ADARB2: variants seen among roughly 807,000 people sequenced by gnomAD.
The protein encoded by ADARB2 is adenosine deaminase RNA specific B2 (inactive).
A neutral mutation model predicts 62.2 loss-of-function variants in ADARB2; 25 were observed. That is an observed-to-expected ratio of 0.40 (90% CI 0.29 to 0.56). The LOEUF is 0.56. Among genes scored for constraint, ADARB2 ranks in the 20% least tolerant of loss-of-function variants. ADARB2 has a pLI of 0.43. For synonymous variants in ADARB2, 572 were observed against 500.8 expected (o/e 1.14, Z -1.90); for missense variants, 1,071 against 1,077.4 (o/e 0.99, Z 0.08).
intron 1 of ADARB2, among the ~76,000 whole-genome samples, chr10:1,515,291 G>A (rs941528714): frequency 3.9e-5 from 6 of 152,174 alleles, no homozygotes; most frequent in Admixed American, 1.3e-4. Flanking sequence ...TGGATCCCCC[G>A]CTGGGAACCT....
In ADARB2 at chr10:1,233,776, C is replaced by T. The variant is rs201411121; in HGVS notation, c.1431G>A (p.Glu477=). The change falls in exon 6 of 10, where the codon GAG becomes GAA. Residue 477 remains glutamate (E), a synonymous_variant. Transcript: ENST00000381312. ...TCACGTAGAGATGGAAGAGGATGTT[C>T]TCTCGCAGCCGGTAGCCACCTTCTT... The part of the protein sequence containing the change: ...RLKEGGYRLR[E]NILFHLYVST... The T allele has an allele frequency of 6.2e-7, 1 of 1,613,940 alleles. No individual in the cohort carries two copies. Among genetic ancestry groups the T allele is most frequent in the Non-Finnish European group, 8.5e-7 (1 of 1,179,968 alleles).
intron 1 of ADARB2, among the ~76,000 whole-genome samples, chr10:1,623,061 A>G (rs919474898): frequency 6.6e-6 from 1 of 152,166 alleles, no homozygotes; most frequent in Admixed American, 6.5e-5. Context: ...GCTGAGCAGG[A>G]GTTGGAAGGA....
rs1831070345 is a variant in ADARB2 at position 1,255,285 on chromosome 10, C to G, written c.1193-12986G>C. On this transcript the variant is annotated intron_variant, in intron 4 of 9. Coordinates refer to ENST00000381312, the MANE Select transcript of ADARB2 (RefSeq NM_018702.4). This position sits in a 1 kb window ranked among gnomAD's most constrained non-coding sequence, Gnocchi z 4.7. The stretch of plus-strand genomic sequence containing the variant: ...TGTCAACACAGATTCACATGTTGCT[C>G]TGACAGGAAATGAGGCAATCACTGG... Among the ~76,000 whole-genome samples the G allele has an allele frequency of 2.0e-5, 3 of 152,350 alleles. No homozygotes were observed. The South Asian group carries it at 6.2e-4, about 32-fold the overall frequency.
At chr10:1,410,574 T>A (rs1832751000) in intron 1 of ADARB2, among the ~76,000 whole-genome samples, 1 of 152,162 alleles carries the variant, frequency 6.6e-6, no homozygotes, top group Non-Finnish European at 1.5e-5. Flanking sequence ...TGGCTGCTGC[T>A]CTAGAAATAT....
chr10:1,201,125 A>T (rs1836980040), intron 7 of ADARB2, among the ~76,000 whole-genome samples: 1 of 152,338 alleles, frequency 6.6e-6, no homozygotes, highest in East Asian at 1.9e-4. Flanking sequence ...TATTCCAAAA[A>T]CACAAGCAAT....
chr10:1,430,173 A>G (rs1319269946), intron 1 of ADARB2, among the ~76,000 whole-genome samples: 1 of 152,234 alleles, frequency 6.6e-6, no homozygotes, highest in Non-Finnish European at 1.5e-5. Flanking sequence ...CACTGATGTC[A>G]GTAGACCATG....
At chr10:1,310,004 C>T (rs917453337) in intron 3 of ADARB2, among the ~76,000 whole-genome samples, 23 of 152,210 alleles carry the variant, frequency 1.5e-4, no homozygotes, top group African/African-American at 5.5e-4. Context: ...CCTTTGTTTC[C>T]ATGCTCTCTG....
intron 1 of ADARB2, among the ~76,000 whole-genome samples, chr10:1,515,751 A>G (rs1025861081): frequency 6.6e-6 from 1 of 152,212 alleles, no homozygotes; most frequent in African/African-American, 2.4e-5. Flanking sequence ...TGTTTCTTCC[A>G]GGCCCGGAAG....
intron 1 of ADARB2, chr10:1,678,323 G>T: frequency 1.0e-6 from 1 of 985,232 alleles, no homozygotes; most frequent in East Asian, 1.1e-4. Flanking sequence ...GCGTCTTCAG[G>T]GTGAACATCC....
chr10:1,413,697 C>T (rs566947627), intron 1 of ADARB2, among the ~76,000 whole-genome samples: 200 of 152,284 alleles, frequency 1.3e-3, no homozygotes, highest in South Asian at 2.5e-3. Flanking sequence ...TTCTGCCCAG[C>T]GACCTCTCAG....
chr10:1,644,788 C>A (rs1330199437), intron 1 of ADARB2, among the ~76,000 whole-genome samples: 3 of 152,224 alleles, frequency 2.0e-5, no homozygotes, highest in Non-Finnish European at 4.4e-5. Flanking sequence ...ATTGCATTGG[C>A]ACTGAATTCC....
At chr10:1,676,396 C>T (rs970063020) in intron 1 of ADARB2, among the ~76,000 whole-genome samples, 3 of 152,124 alleles carry the variant, frequency 2.0e-5, no homozygotes, top group African/African-American at 7.2e-5. Context: ...ATATTTTATA[C>T]ATTATTTAAA....
chr10:1,720,210 T>C (rs539806331), intron 1 of ADARB2, among the ~76,000 whole-genome samples: 75 of 152,272 alleles, frequency 4.9e-4, no homozygotes, highest in Non-Finnish European at 9.7e-4. Flanking sequence ...AAGAATAAAA[T>C]CATGTTCTTT....
At chr10:1,243,805 T>G (rs1346462881) in intron 4 of ADARB2, among the ~76,000 whole-genome samples, 1 of 152,188 alleles carries the variant, frequency 6.6e-6, no homozygotes, top group Admixed American at 6.5e-5. Context: ...CCATGTCCAC[T>G]GCTCTCTCCG....
At chr10:1,468,170 G>A (rs947779736) in intron 1 of ADARB2, among the ~76,000 whole-genome samples, 1 of 152,126 alleles carries the variant, frequency 6.6e-6, no homozygotes, top group African/African-American at 2.4e-5. Context: ...AAATATTTGT[G>A]AGACTAAAAA....
intron 1 of ADARB2, among the ~76,000 whole-genome samples, chr10:1,454,786 G>A (rs1009451051): frequency 7.9e-5 from 12 of 152,062 alleles, no homozygotes; most frequent in African/African-American, 2.4e-4. Context: ...TAGTGCCACC[G>A]ACCTATACAC....
intron 1 of ADARB2, among the ~76,000 whole-genome samples, chr10:1,677,665 T>C (rs1280241859): frequency 6.6e-6 from 1 of 151,866 alleles, no homozygotes; most frequent in African/African-American, 2.4e-5. Context: ...GGATTCACTT[T>C]TTACCTTTTA....
intron 3 of ADARB2, among the ~76,000 whole-genome samples, chr10:1,296,316 T>C (rs959074526): frequency 6.6e-6 from 1 of 152,042 alleles, no homozygotes; most frequent in African/African-American, 2.4e-5. Context: ...GTGCAGACTG[T>C]AGAAAAATGT....
In ADARB2 at chr10:1,199,967, G is replaced by A. The variant is rs553327334; in HGVS notation, c.1863C>T (p.Ser621=). The change falls in exon 8 of 10, where the codon AGC becomes AGT. Residue 621 remains serine, a splice_region_variant and synonymous_variant. Transcript: ENST00000381312. ...GGCCCCCGGGAAGGGGGTTCTTACC[G>A]CTGAGGAGAGGCCGGTTGTGCCGGT... is the stretch of plus-strand genomic sequence containing the variant. ...ASYRHNRPLL[S]GVSDAEARQP... is the part of the protein sequence containing the mutation. 1.6e-5 allele frequency: 24 copies of A among 1,546,166 alleles called. No homozygotes were observed. The African/African-American group carries it at 1.6e-4, about 10-fold the overall frequency.
Sources: gnomAD v4.1 joint callset for allele counts (sites outside exome capture counted in the v4.1 genomes callset) on GRCh38, gnomAD v4.1.1 for gene constraint, Gnocchi (gnomAD v3.1) non-coding constraint, MANE v1.5 for transcripts, NCBI Gene and HGNC (gene_info 2026-07-23, HGNC 2026-07-21) for gene names.